FAM222B: variants seen among roughly 807,000 people sequenced by gnomAD.
FAM222B encodes the protein protein FAM222B.
Under a neutral mutation model 38.0 loss-of-function variants are expected in FAM222B, and 12 were observed. The ratio of observed to expected loss-of-function variants is 0.32; its 90% CI spans 0.20 to 0.51. The LOEUF (loss-of-function observed/expected upper bound fraction) is 0.51, where lower values mean the gene tolerates loss of function less well. Ranked by LOEUF, FAM222B falls within the 20% of genes least tolerant of loss-of-function variation. The pLI is 0.97. For missense variants in FAM222B, 716 were observed against 754.2 expected, an observed-to-expected ratio of 0.95 and a Z score of 0.59; for synonymous variants, 329 against 317.2, an observed-to-expected ratio of 1.04 and a Z score of -0.40.
intron 1 of FAM222B, among the ~76,000 whole-genome samples, chr17:28,789,200 CTTT>C: frequency 7.2e-6 from 1 of 139,690 alleles, no homozygotes; most frequent in Non-Finnish European, 1.6e-5. Flanking sequence ...ATTCTGTGTC[CTTT>C]TTTTTTTTTT....
At chr17:28,785,085 T>C (rs1231669380) in intron 1 of FAM222B, among the ~76,000 whole-genome samples, 1 of 152,098 alleles carries the variant, frequency 6.6e-6, no homozygotes, top group Non-Finnish European at 1.5e-5. Flanking sequence ...AATCCTAATC[T>C]AGATGGAACA....
intron 1 of FAM222B, chr17:28,849,507 C>A (rs528213421): frequency 6.6e-6 from 1 of 152,450 alleles, no homozygotes; most frequent in Non-Finnish European, 1.5e-5. Context: ...TTCTGGCCCC[C>A]CTTCTACTCT....
At chr17:28,805,087 G>A (rs9913801) in intron 1 of FAM222B, among the ~76,000 whole-genome samples, 28,617 of 151,834 alleles carry the variant, frequency 0.19, 2,824 homozygotes, top group South Asian at 0.3. Flanking sequence ...GTCTGGACAT[G>A]ATAGCTCATG....
chr17:28,800,509 T>A (rs1188537759), intron 1 of FAM222B, among the ~76,000 whole-genome samples: 1 of 152,132 alleles, frequency 6.6e-6, no homozygotes, highest in Non-Finnish European at 1.5e-5. Context: ...AAATATACTA[T>A]CACTGATAAG....
intron 1 of FAM222B, among the ~76,000 whole-genome samples, chr17:28,779,523 G>A (rs1448025120): frequency 1.3e-5 from 2 of 152,000 alleles, no homozygotes; most frequent in South Asian, 2.1e-4. Flanking sequence ...AGGCTGAGGC[G>A]GGCGGATCAT....
At chr17:28,802,883 A>G (rs1429157530) in intron 1 of FAM222B, 1 of 152,374 alleles carries the variant, frequency 6.6e-6, no homozygotes, top group Non-Finnish European at 1.5e-5. Flanking sequence ...TGATGACAGT[A>G]CTACTTTCAT....
chr17:28,850,069 A>G (rs1040790978), intron 1 of FAM222B, among the ~76,000 whole-genome samples: 1 of 151,886 alleles, frequency 6.6e-6, no homozygotes, highest in Non-Finnish European at 1.5e-5. Context: ...GGCCAACAAG[A>G]GTGAAACTCT....
rs1374555269 is a variant in FAM222B, at chr17:28,838,409, T to G, written c.-41+4273A>C. Among the ~76,000 whole-genome samples, 6 of 149,448 alleles carry G rather than the reference T, an allele frequency of 4.0e-5. No individual in the cohort carries two copies. The East Asian group carries it at 8.1e-4, about 20-fold the overall frequency. ...TCCTGGCTAACACGGTGAAACCTCA[T>G]CTCTACTAAAAATACAAAAAATTAG... On this transcript the variant is annotated intron_variant, in intron 1 of 2. Transcript: ENST00000581407.
chr17:28,808,555 T>C (rs1292657768), intron 1 of FAM222B, among the ~76,000 whole-genome samples: 1 of 152,184 alleles, frequency 6.6e-6, no homozygotes, highest in Non-Finnish European at 1.5e-5. Context: ...AAATTCTACA[T>C]CCTCATCTGA....
chr17:28,826,601 T>C (rs549136845), intron 1 of FAM222B, among the ~76,000 whole-genome samples: 72 of 147,888 alleles, frequency 4.9e-4, no homozygotes, highest in African/African-American at 1.7e-3. Context: ...GAATCGCTTA[T>C]ACCTGGGAGG....
At chr17:28,806,084 G>A (rs577353436) in intron 1 of FAM222B, among the ~76,000 whole-genome samples, 11 of 151,940 alleles carry the variant, frequency 7.2e-5, no homozygotes, top group African/African-American at 2.7e-4. Flanking sequence ...CCTGGGAGGT[G>A]GACATTGCAG....
upstream of FAM222B, among the ~76,000 whole-genome samples, chr17:28,844,617 C>T (rs1472219951): frequency 6.6e-6 from 1 of 152,082 alleles, no homozygotes; most frequent in Admixed American, 6.5e-5. Flanking sequence ...GAGATCAAGC[C>T]ACTGCATTCC....
At chr17:28,828,304 T>G (rs1456313659) in intron 1 of FAM222B, among the ~76,000 whole-genome samples, 4 of 151,602 alleles carry the variant, frequency 2.6e-5, no homozygotes, top group Admixed American at 2.6e-4. Flanking sequence ...GGCTCACACC[T>G]GCAACCCCAG....
chr17:28,851,066 C>T (rs1251209833), intron 1 of FAM222B, among the ~76,000 whole-genome samples: 3 of 152,018 alleles, frequency 2.0e-5, no homozygotes, highest in African/African-American at 7.2e-5. Context: ...TTGCAGTGAG[C>T]TGAGATCGCA....
chr17:28,854,355 A>G (rs2039209012), intron 1 of FAM222B, among the ~76,000 whole-genome samples: 1 of 152,196 alleles, frequency 6.6e-6, no homozygotes, highest in African/African-American at 2.4e-5. Flanking sequence ...AGGAGACCTT[A>G]GGTGGCTAAG....
At chr17:28,807,000 G>C (rs911254659) in intron 1 of FAM222B, among the ~76,000 whole-genome samples, 1 of 151,828 alleles carries the variant, frequency 6.6e-6, no homozygotes, top group Non-Finnish European at 1.5e-5. Context: ...CCAAAAGTAA[G>C]ACTATTTATC....
intron 1 of FAM222B, among the ~76,000 whole-genome samples, chr17:28,792,136 C>A (rs1022606512): frequency 6.6e-6 from 1 of 150,702 alleles, no homozygotes; most frequent in Admixed American, 6.6e-5. Flanking sequence ...ACGGTGAAAC[C>A]CCGTCTCTAC....
chr17:28,767,788 A>G lies in FAM222B; in HGVS notation c.-40-1081T>C, dbSNP rs144788628. On this transcript the variant is annotated intron_variant, in intron 1 of 2. Transcript: ENST00000581407. ...ACCGCACCCGGCCGAACTCACTTTT[A>G]AATGGAAGGAGGAAAGCATCCTAGG... Among the ~76,000 whole-genome samples the G allele has an allele frequency of 1.9e-3, 284 of 152,246 alleles. No homozygotes were observed. The East Asian group carries it at 0.031, about 17-fold the overall frequency.
At chr17:28,823,307 C>A (rs1016430940) in intron 1 of FAM222B, among the ~76,000 whole-genome samples, 6 of 151,840 alleles carry the variant, frequency 4.0e-5, no homozygotes, top group African/African-American at 1.5e-4. Context: ...CCTGTGAGTA[C>A]TTCTCTGTTA....
Sources: gnomAD v4.1 joint callset for allele counts (sites outside exome capture counted in the v4.1 genomes callset) on GRCh38, gnomAD v4.1.1 for gene constraint, MANE v1.5 for transcripts, NCBI Gene and HGNC (gene_info 2026-07-23, HGNC 2026-07-21) for gene names.